The following FOXP1 variants were observed in gnomAD, a reference collection of about 807,000 sequenced individuals.
FOXP1 encodes the protein forkhead box protein P1.
Under a neutral mutation model 98.2 loss-of-function variants are expected in FOXP1, and 15 were observed. The ratio of observed to expected loss-of-function variants is 0.15; its 90% CI spans 0.10 to 0.24. The LOEUF is 0.24. FOXP1 is among the 10% of genes least tolerant of loss of function. The probability of loss-of-function intolerance (pLI) is 1.00; values close to 1 mark genes in which losing one functional copy is unlikely to be tolerated. For synonymous variants in FOXP1, 371 were observed against 314.5 expected, an observed-to-expected ratio of 1.18 and a Z score of -1.90; for missense variants, 633 against 848.5, an observed-to-expected ratio of 0.75 and a Z score of 3.15.
chr3:71,268,974 G>A (rs1234954250), intron 5 of FOXP1, among the ~76,000 whole-genome samples: 1 of 152,096 alleles, frequency 6.6e-6, no homozygotes, highest in Non-Finnish European at 1.5e-5. Flanking sequence ...CATCTGTGCA[G>A]AAGGAAGACA....
rs200881864 is a variant in FOXP1 at position 71,031,725 on chromosome 3, TAAAC to T, written c.869+9599_869+9602del. On this transcript the variant is annotated intron_variant, in intron 11 of 20. Coordinates refer to ENST00000649528, the MANE Select transcript of FOXP1 (RefSeq NM_001349338.3). ...AAATAGTTTTCACAATGGAAAATGC[TAAAC>T]AAACAAACAAACAAACAAAAAACAA... is the stretch of plus-strand genomic sequence containing the variant. 7.2e-4 allele frequency among the ~76,000 whole-genome samples: 110 copies of T among 151,884 alleles called. 1 individual carries two copies. Among genetic ancestry groups the T allele is most frequent in the South Asian group, 4.1e-3 (20 of 4,820 alleles).
chr3:71,166,019 A>C (rs1204618347), intron 6 of FOXP1, among the ~76,000 whole-genome samples: 1 of 152,226 alleles, frequency 6.6e-6, no homozygotes, highest in African/African-American at 2.4e-5. Context: ...AGTTCCCCAA[A>C]AGAATGACTC....
chr3:70,980,520 T>C (rs1031624177), intron 14 of FOXP1, among the ~76,000 whole-genome samples: 1 of 152,156 alleles, frequency 6.6e-6, no homozygotes, highest in Non-Finnish European at 1.5e-5. Flanking sequence ...TTGGAGAGAT[T>C]AAATAATTTG....
intron 5 of FOXP1, among the ~76,000 whole-genome samples, chr3:71,260,545 T>TC (rs2069035922): frequency 6.6e-6 from 1 of 151,330 alleles, no homozygotes; most frequent in African/African-American, 2.4e-5. Flanking sequence ...TAATTTTTTT[T>TC]TTTTTTTCCT....
chr3:71,024,013 G>A (rs534760643), intron 11 of FOXP1, among the ~76,000 whole-genome samples: 30 of 152,080 alleles, frequency 2.0e-4, no homozygotes, highest in African/African-American at 6.7e-4. Context: ...TTCTTCTGGC[G>A]TTTTTCATAC....
chr3:70,990,815 G>A (rs112220814), intron 13 of FOXP1, among the ~76,000 whole-genome samples: 2 of 152,160 alleles, frequency 1.3e-5, no homozygotes, highest in Non-Finnish European at 1.5e-5. Context: ...TCTGTAGAAC[G>A]ATGGCAGGGT....
intron 5 of FOXP1, among the ~76,000 whole-genome samples, chr3:71,266,752 C>T (rs1422081096): frequency 6.6e-6 from 1 of 152,138 alleles, no homozygotes; most frequent in Non-Finnish European, 1.5e-5. Flanking sequence ...TCTCCAGTGT[C>T]TATTACTTCC....
At chr3:70,992,400 G>C (rs2040742912) in intron 13 of FOXP1, among the ~76,000 whole-genome samples, 1 of 152,132 alleles carries the variant, frequency 6.6e-6, no homozygotes, top group Non-Finnish European at 1.5e-5. Flanking sequence ...ACAGGTCTCT[G>C]ACGTACATAT....
chr3:71,038,327 A>C (rs149699975), intron 11 of FOXP1, among the ~76,000 whole-genome samples: 1 of 152,350 alleles, frequency 6.6e-6, no homozygotes, highest in East Asian at 1.9e-4. Context: ...TCATGGGGTC[A>C]GATAGTTATT....
intron 3 of FOXP1, among the ~76,000 whole-genome samples, chr3:71,371,759 A>C (rs2079331296): frequency 6.6e-6 from 1 of 152,194 alleles, no homozygotes; most frequent in Non-Finnish European, 1.5e-5. Flanking sequence ...ACTGCACTCC[A>C]GCCTAGATGG....
At chr3:71,047,383 A>T (rs1353031299) in intron 9 of FOXP1, among the ~76,000 whole-genome samples, 1 of 152,110 alleles carries the variant, frequency 6.6e-6, no homozygotes, top group South Asian at 2.1e-4. Flanking sequence ...CAAGATGTAA[A>T]CTTTTAGACT....
rs2060585638 is a variant in FOXP1 at position 71,151,758 on chromosome 3, C to G, written c.181-39121G>C. Among the ~76,000 whole-genome samples, 3 of 151,412 alleles carry G rather than the reference C, an allele frequency of 2.0e-5. No individual in the cohort carries two copies. The South Asian group carries it at 6.3e-4, about 32-fold the overall frequency. On this transcript the variant is annotated intron_variant, in intron 6 of 20. Coordinates refer to ENST00000649528, the MANE Select transcript of FOXP1 (RefSeq NM_001349338.3). ...CAATAGCATTTGACATTTAGACCCA[C>G]TAGGCATCTTAAGTAGCCTGCTACT...
intron 3 of FOXP1, among the ~76,000 whole-genome samples, chr3:71,428,753 A>G (rs983086767): frequency 2.0e-5 from 3 of 152,210 alleles, no homozygotes; most frequent in Non-Finnish European, 4.4e-5. Context: ...GATCCCTACA[A>G]TGAGATGTGG....
At chr3:71,401,861 C>G (rs1317254012) in intron 3 of FOXP1, among the ~76,000 whole-genome samples, 1 of 152,178 alleles carries the variant, frequency 6.6e-6, no homozygotes, top group Non-Finnish European at 1.5e-5. Flanking sequence ...TACAAGACAC[C>G]GGGGCCCAGG....
chr3:71,412,284 G>A (rs1469325449), intron 3 of FOXP1, among the ~76,000 whole-genome samples: 1 of 152,104 alleles, frequency 6.6e-6, no homozygotes, highest in African/African-American at 2.4e-5. Context: ...CTCCATGAGG[G>A]CTCAAAGTTA....
At chr3:71,426,915 G>C (rs967243506) in intron 3 of FOXP1, among the ~76,000 whole-genome samples, 1 of 151,986 alleles carries the variant, frequency 6.6e-6, no homozygotes, top group African/African-American at 2.4e-5. Context: ...ACAAAAATTA[G>C]CCGGGCATGG....
chr3:70,984,446 T>C lies in FOXP1; in HGVS notation c.1146+3548A>G, dbSNP rs561784378. ...ACCATTCTGGGTCAGCTGTTCTACT[T>C]ACAGGTAGTGCAATTCACGGAAAGT... On this transcript the variant is annotated intron_variant, in intron 14 of 20. Coordinates refer to ENST00000649528, the MANE Select transcript of FOXP1 (RefSeq NM_001349338.3). 3.5e-4 allele frequency among the ~76,000 whole-genome samples: 53 copies of C among 152,344 alleles called. 2 individuals carry two copies. In the South Asian group the frequency reaches 9.9e-3, roughly 29 times the overall value.
At chr3:71,170,542 T>C (rs2061600367) in intron 6 of FOXP1, among the ~76,000 whole-genome samples, 2 of 152,200 alleles carry the variant, frequency 1.3e-5, no homozygotes, top group Non-Finnish European at 2.9e-5. Context: ...GGTATCATAA[T>C]TTAAATACCA....
intron 4 of FOXP1, among the ~76,000 whole-genome samples, chr3:71,345,991 G>A (rs1049799249): frequency 6.6e-5 from 10 of 151,420 alleles, no homozygotes; most frequent in African/African-American, 2.4e-4. Context: ...TGGTATTTCA[G>A]AGAGAGCCGA....
Sources: gnomAD v4.1 joint callset for allele counts (sites outside exome capture counted in the v4.1 genomes callset) on GRCh38, gnomAD v4.1.1 for gene constraint, MANE v1.5 for transcripts, NCBI Gene and HGNC (gene_info 2026-07-23, HGNC 2026-07-21) for gene names.